The following HPGDS variants were observed in gnomAD, a reference collection of about 807,000 sequenced individuals.
HPGDS encodes the protein hematopoietic prostaglandin D synthase.
HPGDS carries 26 observed loss-of-function variants against 23.1 expected under a neutral mutation model. The observed-to-expected ratio is 1.13, with a 90% CI of 0.83 to 1.56. The LOEUF (loss-of-function observed/expected upper bound fraction) is 1.56. Among genes scored for constraint, HPGDS ranks in the 40% most tolerant of loss-of-function variants. HPGDS has a pLI of 0.00. For missense variants in HPGDS, 268 were observed against 236.4 expected (o/e 1.13, Z -0.88); for synonymous variants, 95 against 77.9 (o/e 1.22, Z -1.16).
In HPGDS at chr4:94,309,050, C is replaced by CTTTTTTTTTT. The variant is rs34427506; in HGVS notation, c.227-317_227-308dup. ...TACAAGTACCCAAAGGGTGTACTTG[C>CTTTTTTTTTT]TTTTTTTTTTTTTTTTTTTTTTTTT... On this transcript the variant is annotated intron_variant, in intron 3 of 5. Coordinates refer to ENST00000295256, the MANE Select transcript of HPGDS (RefSeq NM_014485.3). 4.5e-4 allele frequency among the ~76,000 whole-genome samples: 14 copies of CTTTTTTTTTT among 31,028 alleles called. 1 individual carries two copies. Among genetic ancestry groups the CTTTTTTTTTT allele is most frequent in the African/African-American group, 7.6e-4 (6 of 7,884 alleles). The allele number at this position is 31,028 out of a possible 152,430, so 20.4% of individuals were successfully genotyped here. A position where few individuals can be genotyped will look rare whatever the true frequency, so the allele number is the denominator to read the frequency against.
At chr4:94,325,543 T>G (rs1756613060) in intron 2 of HPGDS, among the ~76,000 whole-genome samples, 1 of 152,180 alleles carries the variant, frequency 6.6e-6, no homozygotes, top group Non-Finnish European at 1.5e-5. Flanking sequence ...CTCAAACTGC[T>G]GCACAAGCAG....
intron 5 of HPGDS, among the ~76,000 whole-genome samples, chr4:94,301,646 C>G (rs1465607412): frequency 6.6e-6 from 1 of 152,016 alleles, no homozygotes; most frequent in Non-Finnish European, 1.5e-5. Flanking sequence ...GACATCAACA[C>G]AATTTATTTT....
At chr4:94,310,956 A>G (rs1756255466) in intron 3 of HPGDS, among the ~76,000 whole-genome samples, 1 of 151,852 alleles carries the variant, frequency 6.6e-6, no homozygotes, top group Non-Finnish European at 1.5e-5. Context: ...TTGGTGTATA[A>G]GAATACTTGT....
At chr4:94,340,485 C>G (rs1382804906) in intron 1 of HPGDS, among the ~76,000 whole-genome samples, 2 of 145,568 alleles carry the variant, frequency 1.4e-5, no homozygotes, top group Admixed American at 1.4e-4. Context: ...ACTACAGGCA[C>G]GCGCCACCAC....
chr4:94,340,780 A>G (rs1417535774), intron 1 of HPGDS, among the ~76,000 whole-genome samples: 1 of 106,712 alleles, frequency 9.4e-6, no homozygotes, highest in Non-Finnish European at 1.8e-5. Context: ...TGCCGCAGCC[A>G]CCAGAGTAGC....
intron 2 of HPGDS, among the ~76,000 whole-genome samples, chr4:94,322,136 G>A (rs752345027): frequency 2.6e-5 from 4 of 152,050 alleles, no homozygotes; most frequent in African/African-American, 7.2e-5. Context: ...GGTGGATAAG[G>A]TTTTTGATGT....
intron 3 of HPGDS, among the ~76,000 whole-genome samples, chr4:94,314,498 A>G (rs1456280218): frequency 6.6e-6 from 1 of 152,060 alleles, no homozygotes; most frequent in Non-Finnish European, 1.5e-5. Flanking sequence ...GTTGCTCTGG[A>G]CGTTTTGTCT....
At chr4:94,306,741 G>A (rs911167547) in intron 4 of HPGDS, among the ~76,000 whole-genome samples, 4 of 151,976 alleles carry the variant, frequency 2.6e-5, no homozygotes, top group African/African-American at 9.7e-5. Flanking sequence ...AGAACTCAAG[G>A]ACTGATGAGA....
At chr4:94,320,926 A>G (rs1756495060) in intron 2 of HPGDS, among the ~76,000 whole-genome samples, 1 of 152,134 alleles carries the variant, frequency 6.6e-6, no homozygotes, top group Non-Finnish European at 1.5e-5. Flanking sequence ...ATCCATCTTG[A>G]ATGAATTTTT....
At chr4:94,327,402 C>A (rs756486692) in intron 2 of HPGDS, among the ~76,000 whole-genome samples, 1 of 152,042 alleles carries the variant, frequency 6.6e-6, no homozygotes, top group Non-Finnish European at 1.5e-5. Context: ...AGGCAGGGCA[C>A]GTTGATCCCC....
At chr4:94,322,284 G>A (rs1182329067) in intron 2 of HPGDS, among the ~76,000 whole-genome samples, 1 of 152,188 alleles carries the variant, frequency 6.6e-6, no homozygotes, top group African/African-American at 2.4e-5. Context: ...CATAAAATGA[G>A]TTAGGGAGGA....
chr4:94,303,922 C>G (rs1398202045), intron 4 of HPGDS: 1 of 151,950 alleles, frequency 6.6e-6, no homozygotes, highest in Non-Finnish European at 1.5e-5. Flanking sequence ...TTATTTCAGT[C>G]TAATGAAATG....
intron 3 of HPGDS, among the ~76,000 whole-genome samples, chr4:94,310,110 G>A (rs1201751711): frequency 6.6e-6 from 1 of 152,022 alleles, no homozygotes; most frequent in Non-Finnish European, 1.5e-5. Context: ...AGTTTCTTTT[G>A]CTGTGCAGAA....
chr4:94,307,245 C>G (rs1476781130), intron 4 of HPGDS, among the ~76,000 whole-genome samples: 2 of 151,292 alleles, frequency 1.3e-5, no homozygotes, highest in African/African-American at 4.9e-5. Flanking sequence ...GACCAGTAAG[C>G]TCTTAGAGGA....
At chr4:94,308,777 A>G (rs1452888402) in intron 3 of HPGDS, 34 bp from the exon 4 acceptor site, 6 of 1,123,732 alleles carry the variant, frequency 5.3e-6, no homozygotes, top group Middle Eastern at 4.0e-4. Flanking sequence ...CAATATGTTT[A>G]ATTTACTATA....
chr4:94,318,759 C>T (rs919264489), intron 2 of HPGDS, among the ~76,000 whole-genome samples: 1 of 152,090 alleles, frequency 6.6e-6, no homozygotes, highest in African/African-American at 2.4e-5. Context: ...GTCACTGAGG[C>T]TGGAGTGCAG....
At chr4:94,339,339 G>T (rs1721088148) in intron 1 of HPGDS, among the ~76,000 whole-genome samples, 1 of 152,198 alleles carries the variant, frequency 6.6e-6, no homozygotes, top group African/African-American at 2.4e-5. Flanking sequence ...TTTAAAAGCT[G>T]ATTGTGTTTG....
chr4:94,330,022 C>T (rs912735323), intron 2 of HPGDS, among the ~76,000 whole-genome samples: 1 of 152,140 alleles, frequency 6.6e-6, no homozygotes, highest in African/African-American at 2.4e-5. Flanking sequence ...TGTTCTTGTA[C>T]CTTAAACACT....
chr4:94,312,102 T>A (rs945760601), intron 3 of HPGDS, among the ~76,000 whole-genome samples: 1 of 152,168 alleles, frequency 6.6e-6, no homozygotes, highest in African/African-American at 2.4e-5. Context: ...CCTGGATTCA[T>A]TGATTTTTTG....
Sources: gnomAD v4.1 joint callset for allele counts (sites outside exome capture counted in the v4.1 genomes callset) on GRCh38, gnomAD v4.1.1 for gene constraint, MANE v1.5 for transcripts, NCBI Gene and HGNC (gene_info 2026-07-23, HGNC 2026-07-21) for gene names.